The following INPP4B variants were observed in gnomAD, a reference collection of about 807,000 sequenced individuals.
INPP4B encodes the protein inositol polyphosphate-4-phosphatase type II B.
In INPP4B, 55 loss-of-function variants were observed where a neutral mutation model predicts 122.5. The ratio of observed to expected loss-of-function variants is 0.45; its 90% confidence interval spans 0.36 to 0.56. The LOEUF (loss-of-function observed/expected upper bound fraction) is 0.56, where lower values mean the gene tolerates loss of function less well. INPP4B is among the 20% of genes least tolerant of loss of function. INPP4B has a pLI of 0.00. For missense variants in INPP4B, 1,000 were observed against 1,097.7 expected, an observed-to-expected ratio of 0.91 and a Z score of 1.26; for synonymous variants, 403 against 388.7, an observed-to-expected ratio of 1.04 and a Z score of -0.43.
chr4:142,346,912 A>G (rs1479190696), intron 7 of INPP4B, among the ~76,000 whole-genome samples: 1 of 152,068 alleles, frequency 6.6e-6, no homozygotes, highest in African/African-American at 2.4e-5. Context: ...TTATTGACCC[A>G]GTTCAATTTC....
intron 1 of INPP4B, among the ~76,000 whole-genome samples, chr4:142,826,333 G>A (rs1781454452): frequency 6.6e-6 from 1 of 152,094 alleles, no homozygotes; most frequent in Non-Finnish European, 1.5e-5. Flanking sequence ...TCAGGACACT[G>A]CACAAGAATC....
intron 7 of INPP4B, among the ~76,000 whole-genome samples, chr4:142,385,388 C>T (rs771123966): frequency 1.4e-5 from 2 of 145,128 alleles, no homozygotes; most frequent in African/African-American, 2.6e-5. Flanking sequence ...AAAAAAACCA[C>T]TCTTGAATGT....
intron 1 of INPP4B, among the ~76,000 whole-genome samples, chr4:142,801,376 C>T (rs947188571): frequency 7.9e-5 from 12 of 152,040 alleles, no homozygotes; most frequent in African/African-American, 2.9e-4. Context: ...AAAATGAGGC[C>T]ATCAGGGCAA....
At chr4:142,834,565 A>T (rs1288969544) in intron 1 of INPP4B, among the ~76,000 whole-genome samples, 1 of 152,128 alleles carries the variant, frequency 6.6e-6, no homozygotes, top group Non-Finnish European at 1.5e-5. Context: ...ACCTTCTTGA[A>T]CTAAGACTGT....
chr4:142,749,356 G>A (rs778025114), intron 1 of INPP4B, among the ~76,000 whole-genome samples: 10 of 147,896 alleles, frequency 6.8e-5, no homozygotes, highest in Non-Finnish European at 8.9e-5. Flanking sequence ...TGGTCTAAAC[G>A]TGTTCTTTAA....
At chr4:142,259,406 A>T (rs1738441613) in intron 11 of INPP4B, among the ~76,000 whole-genome samples, 2 of 151,652 alleles carry the variant, frequency 1.3e-5, no homozygotes, top group Non-Finnish European at 2.9e-5. Context: ...TACCACAATC[A>T]ACAAGAGGGG....
At chr4:142,359,663 T>C (rs1432513757) in intron 7 of INPP4B, among the ~76,000 whole-genome samples, 2 of 151,974 alleles carry the variant, frequency 1.3e-5, no homozygotes, top group Non-Finnish European at 2.9e-5. Flanking sequence ...ATTAAGTACT[T>C]TCCTCTCCTT....
At chr4:142,681,223 T>G (rs2150682592) in intron 2 of INPP4B, among the ~76,000 whole-genome samples, 1 of 151,968 alleles carries the variant, frequency 6.6e-6, no homozygotes, top group African/African-American at 2.4e-5. Flanking sequence ...AGGCACACAC[T>G]TATGTTACCA....
chr4:142,605,540 T>C (rs1050303862), intron 2 of INPP4B, among the ~76,000 whole-genome samples: 2 of 152,014 alleles, frequency 1.3e-5, no homozygotes, highest in African/African-American at 4.8e-5. Flanking sequence ...AACAGGGGAC[T>C]GCTCTTCAAA....
chr4:142,112,488 T>C (rs3822140), intron 22 of INPP4B, 54 bp downstream of exon 22: 179,865 of 1,589,500 alleles, frequency 0.11, 11,103 homozygotes, highest in East Asian at 0.23. Flanking sequence ...TCTCATCATA[T>C]GCTTAAAAGG....
At chr4:142,196,001 C>A (rs1016866962) in intron 14 of INPP4B, among the ~76,000 whole-genome samples, 3 of 152,136 alleles carry the variant, frequency 2.0e-5, no homozygotes, top group African/African-American at 7.2e-5. Flanking sequence ...CACCTCACTG[C>A]TCATGAGAAT....
At chr4:142,354,983 C>T (rs1225449073) in intron 7 of INPP4B, among the ~76,000 whole-genome samples, 1 of 151,838 alleles carries the variant, frequency 6.6e-6, no homozygotes, top group Non-Finnish European at 1.5e-5. Context: ...GCTCGTGGCT[C>T]GAGTGGGGCT....
intron 25 of INPP4B, among the ~76,000 whole-genome samples, chr4:142,069,515 A>T (rs1314880491): frequency 6.6e-6 from 1 of 151,646 alleles, no homozygotes; most frequent in Non-Finnish European, 1.5e-5. Context: ...AGACACAAAA[A>T]ACCGTTCAAA....
At chr4:142,589,584 A>G (rs1736988598) in intron 2 of INPP4B, among the ~76,000 whole-genome samples, 1 of 152,136 alleles carries the variant, frequency 6.6e-6, no homozygotes, top group South Asian at 2.1e-4. Flanking sequence ...ATACCTCTAC[A>G]TGCCTATTAG....
intron 1 of INPP4B, among the ~76,000 whole-genome samples, chr4:142,838,447 T>A (rs1217260685): frequency 6.6e-6 from 1 of 152,108 alleles, no homozygotes; most frequent in East Asian, 1.9e-4. Flanking sequence ...GAGTGTATAC[T>A]CTTCTTTACT....
intron 15 of INPP4B, among the ~76,000 whole-genome samples, chr4:142,190,741 TGTGTGC>T (rs202101688): frequency 0.051 from 7,527 of 147,864 alleles, 451 homozygotes; most frequent in East Asian, 0.19. Flanking sequence ...TGTGTGTGTG[TGTGTGC>T]GCGTGTGTGT....
intron 25 of INPP4B, chr4:142,029,610 C>A: frequency 1.0e-6 from 1 of 984,868 alleles, no homozygotes; most frequent in Non-Finnish European, 1.2e-6. Context: ...CATAAATAGC[C>A]ATTCTCTCCA....
At chr4:142,343,793 C>A (rs1206961773) in intron 7 of INPP4B, among the ~76,000 whole-genome samples, 1 of 151,978 alleles carries the variant, frequency 6.6e-6, no homozygotes, top group African/African-American at 2.4e-5. Context: ...TCTCTTTGAC[C>A]CTTTTTAGTT....
chr4:142,189,224 C>T (rs899737134), intron 15 of INPP4B, among the ~76,000 whole-genome samples: 3 of 152,266 alleles, frequency 2.0e-5, no homozygotes, highest in East Asian at 3.9e-4. Flanking sequence ...GTCTGTGATT[C>T]TAGTGGGCAG....
Sources: allele counts gnomAD v4.1 joint callset (sites outside exome capture counted in the v4.1 genomes callset), GRCh38; gene constraint gnomAD v4.1.1; transcripts MANE v1.5; gene names NCBI Gene and HGNC (gene_info 2026-07-23, HGNC 2026-07-21).